The following SLC26A4 variants were observed in gnomAD, a reference collection of about 807,000 sequenced individuals.
SLC26A4 encodes the protein solute carrier family 26 member 4, also known as pendrin.
A neutral mutation model predicts 90.4 loss-of-function variants in SLC26A4; 93 were observed. The ratio of observed to expected loss-of-function variants is 1.03; its 90% CI spans 0.87 to 1.22. The LOEUF (loss-of-function observed/expected upper bound fraction) is 1.22. Among genes scored for constraint, SLC26A4 ranks in the 50% most tolerant of loss-of-function variants. The probability of loss-of-function intolerance (pLI) is 0.00; values close to 1 mark genes in which losing one functional copy is unlikely to be tolerated. For synonymous variants in SLC26A4, 393 were observed against 354.6 expected (o/e 1.11, Z -1.22); for missense variants, 1,127 against 946.2 (o/e 1.19, Z -2.51).
At chr7:107,675,428 G>A (rs1379652266) in intron 6 of SLC26A4, among the ~76,000 whole-genome samples, 1 of 151,736 alleles carries the variant, frequency 6.6e-6, no homozygotes, top group African/African-American at 2.4e-5. Flanking sequence ...GATCTCCTGA[G>A]CCCTGGAGGT....
Position 107,689,091 on chromosome 7 carries a change from C to T in SLC26A4, c.1040C>T (p.Ser347Leu), listed in dbSNP as rs150946659. The T allele has an allele frequency of 1.2e-4, 191 of 1,613,810 alleles. No individual in the cohort carries two copies. Among genetic ancestry groups the T allele is most frequent in the African/African-American group, 2.1e-4 (16 of 74,896 alleles). ...GAACTTCCACCTGTGAGCTTGTTCTCGGAGATGCTGGCTGCATCATTTTCC... is the reference window on the plus strand; with the variant it reads ...GAACTTCCACCTGTGAGCTTGTTCTTGGAGATGCTGGCTGCATCATTTTCC... ...PPELPPVSLF[S>L]EMLAASFSIA... is the part of the protein sequence containing the mutation. The change falls in exon 9 of 21, where the codon TCG becomes TTG. Residue 347 changes from serine to leucine, a missense_variant. Coordinates refer to ENST00000644269, the MANE Select transcript of SLC26A4 (RefSeq NM_000441.2).
intron 17 of SLC26A4, among the ~76,000 whole-genome samples, chr7:107,703,531 A>G (rs1048991064): frequency 6.6e-6 from 1 of 152,192 alleles, no homozygotes. Flanking sequence ...TTTGTTGTAC[A>G]TTTCACTCTA....
At position 107,661,955 on chromosome 7, in the gene SLC26A4, T is replaced by A. The variant is rs17154285; in HGVS notation, c.164+150T>A. 4.0e-3 allele frequency: 3,277 copies of A among 821,786 alleles called. 99 individuals are homozygous for A. In the African/African-American group the frequency reaches 0.052, roughly 13 times the overall value. The allele number at this position is 821,786 out of a possible 1,614,324, so 50.9% of individuals were successfully genotyped here. A position where few individuals can be genotyped will look rare whatever the true frequency, so the allele number is the denominator to read the frequency against. On this transcript the variant is annotated intron_variant, in intron 2 of 20. Transcript: ENST00000644269. The surrounding 1 kb of genome is among the most constrained non-coding windows in gnomAD (Gnocchi z 5.1). ...TCTCCCAGAGGCCCGACTTTCGGTC[T>A]CCGGTCCTCCACGCCGCCCTTCTGG...
intron 4 of SLC26A4, among the ~76,000 whole-genome samples, chr7:107,672,649 A>T (rs1182277652): frequency 6.6e-6 from 1 of 152,128 alleles, no homozygotes; most frequent in Non-Finnish European, 1.5e-5. Context: ...ATTTTACTGG[A>T]TTAACTTAGA....
intron 16 of SLC26A4, 53 bp from the exon 17 acceptor site, chr7:107,701,774 T>C (rs1791892458): frequency 3.4e-6 from 4 of 1,174,328 alleles, no homozygotes; most frequent in African/African-American, 3.0e-5. Context: ...ATATGAATGG[T>C]TGAAAGATTT....
At position 107,701,825 on chromosome 7, in the gene SLC26A4, A is replaced by G; in HGVS notation, c.1804-2A>G. The G allele has an allele frequency of 6.4e-7, 1 of 1,563,754 alleles. No individual in the cohort carries two copies. The highest frequency in any genetic ancestry group is 8.8e-7 in the Non-Finnish European group (1 of 1,134,474). On this transcript the variant is annotated splice_acceptor_variant, in intron 16 of 20. Coordinates refer to ENST00000644269, the MANE Select transcript of SLC26A4 (RefSeq NM_000441.2). LOFTEE classifies it high-confidence loss of function. ...TAAGTTGACAGTGTTTTCTTCGTTT[A>G]GAATGGCATCATAAGTGATGCTGTT...
At chr7:107,682,103 C>G (rs1346311242) in intron 6 of SLC26A4, among the ~76,000 whole-genome samples, 1 of 48,578 alleles carries the variant, frequency 2.1e-5, no homozygotes, top group African/African-American at 1.1e-4. Context: ...GGCAAGAGAG[C>G]TAAAAAAAAA....
intron 6 of SLC26A4, among the ~76,000 whole-genome samples, chr7:107,676,984 G>A (rs1791039446): frequency 6.6e-6 from 1 of 152,046 alleles, no homozygotes; most frequent in African/African-American, 2.4e-5. Flanking sequence ...GATCAGCTTG[G>A]GCAACATGAC....
At chr7:107,715,072 A>G (rs1261197334) in intron 20 of SLC26A4, among the ~76,000 whole-genome samples, 3 of 149,180 alleles carry the variant, frequency 2.0e-5, no homozygotes, top group African/African-American at 7.3e-5. Context: ...CTACTAAAAA[A>G]AAAAAAAAAA....
At chr7:107,701,726 T>A (rs1205292978) in intron 16 of SLC26A4, 101 bp from the exon 17 acceptor site, 1 of 820,398 alleles carries the variant, frequency 1.2e-6, no homozygotes, top group East Asian at 2.6e-5. Flanking sequence ...GATGTCTTGC[T>A]TACCAAGGAA....
At chr7:107,694,533 G>A in intron 11 of SLC26A4, 53 bp downstream of exon 11, 1 of 1,529,512 alleles carries the variant, frequency 6.5e-7, no homozygotes, top group Non-Finnish European at 9.1e-7. Context: ...TCACTACTCT[G>A]CTACCAGATA....
intron 18 of SLC26A4, among the ~76,000 whole-genome samples, chr7:107,705,533 G>A (rs906294049): frequency 1.3e-5 from 2 of 152,198 alleles, no homozygotes; most frequent in South Asian, 4.1e-4. Flanking sequence ...TAACCAAGAA[G>A]TCTTCTCTGT....
rs79706273 is a variant in SLC26A4, at chr7:107,706,629, T to C, written c.2089+2244T>C. Among the ~76,000 whole-genome samples the C allele has an allele frequency of 8.0e-3, 1,217 of 152,332 alleles. 11 individuals are homozygous for C. Among genetic ancestry groups the C allele is most frequent in the African/African-American group, 0.028 (1,150 of 41,574 alleles). On this transcript the variant is annotated intron_variant, in intron 18 of 20. Coordinates refer to ENST00000644269, the MANE Select transcript of SLC26A4 (RefSeq NM_000441.2). ...GAAGGAACGACTTTTTATTCACTCA[T>C]TGTAAGGCTAGCAGCCCTTGAAGCC...
intron 6 of SLC26A4, 127 bp downstream of exon 6, chr7:107,675,236 T>G (rs1562824541): frequency 1.3e-6 from 1 of 763,610 alleles, no homozygotes; most frequent in Admixed American, 2.0e-5. Flanking sequence ...AAGGCCGAGG[T>G]GGGCAGATTG....
chr7:107,711,293 A>G (rs2129320185), intron 19 of SLC26A4, among the ~76,000 whole-genome samples: 1 of 152,278 alleles, frequency 6.6e-6, no homozygotes, highest in Non-Finnish European at 1.5e-5. Flanking sequence ...GTATCCTTTA[A>G]GAGATCCACA....
chr7:107,706,424 A>T (rs1792039077), intron 18 of SLC26A4, among the ~76,000 whole-genome samples: 1 of 152,226 alleles, frequency 6.6e-6, no homozygotes, highest in African/African-American at 2.4e-5. Context: ...TAGCCACTGC[A>T]CTATAGCCTG....
intron 6 of SLC26A4, among the ~76,000 whole-genome samples, chr7:107,681,938 C>G (rs1791241636): frequency 6.6e-6 from 1 of 151,024 alleles, no homozygotes; most frequent in South Asian, 2.1e-4. Context: ...CTCCTCCCGC[C>G]CCAATCTCTA....
At chr7:107,690,259 T>TA (rs777687156) in intron 10 of SLC26A4, 22 bp downstream of exon 10, 38 of 1,331,438 alleles carry the variant, frequency 2.9e-5, no homozygotes, top group Non-Finnish European at 4.0e-5. Flanking sequence ...AGCCTTATGA[T>TA]ATCCATCTCA....
At chr7:107,689,510 T>G (rs1282989721) in intron 9 of SLC26A4, among the ~76,000 whole-genome samples, 1 of 152,228 alleles carries the variant, frequency 6.6e-6, no homozygotes, top group East Asian at 1.9e-4. Flanking sequence ...CCAGTACCTC[T>G]TGGCAATTAT....
Sources: gnomAD v4.1 joint callset for allele counts (sites outside exome capture counted in the v4.1 genomes callset) on GRCh38, gnomAD v4.1.1 for gene constraint, Gnocchi (gnomAD v3.1) non-coding constraint, MANE v1.5 for transcripts, NCBI Gene and HGNC (gene_info 2026-07-23, HGNC 2026-07-21) for gene names.